The following PGD variants were observed in gnomAD, a reference collection of about 807,000 sequenced individuals.
PGD encodes the protein 6-phosphogluconate dehydrogenase, decarboxylating.
PGD carries 21 observed loss-of-function variants against 60.4 expected under a neutral mutation model. The ratio of observed to expected loss-of-function variants is 0.35; its 90% CI spans 0.25 to 0.50. The LOEUF is 0.50. PGD is among the 20% of genes least tolerant of loss of function. The pLI is 0.98. For missense variants in PGD, 477 were observed against 613.1 expected (o/e 0.78, Z 2.34); for synonymous variants, 230 against 235.9 (o/e 0.97, Z 0.23).
intron 1 of PGD, chr1:10,399,349 C>A: frequency 1.8e-6 from 1 of 564,644 alleles, no homozygotes; most frequent in East Asian, 3.4e-5. Flanking sequence ...CGGGGCGGGT[C>A]CCTTCGAGGG....
rs765560916 is a variant in PGD at position 10,403,172 on chromosome 1, G to A, written c.330+36G>A. ...TTCAGTCCAGATTCTTCCAGGTTCC[G>A]AGAACATTCTAGAAAAAAGTGTCAG... On this transcript the variant is annotated intron_variant, in intron 4 of 12. Coordinates refer to ENST00000270776, the MANE Select transcript of PGD (RefSeq NM_002631.4). 6.2e-6 allele frequency: 9 copies of A among 1,443,626 alleles called. No homozygotes were observed. The Middle Eastern group carries it at 5.2e-4, about 84-fold the overall frequency. 89.4% of individuals were successfully genotyped at this position (1,443,626 alleles called of 1,614,324 possible). A position where few individuals can be genotyped will look rare whatever the true frequency, so the allele number is the denominator to read the frequency against.
chr1:10,410,941 A>G (rs1639488862), intron 6 of PGD, among the ~76,000 whole-genome samples: 1 of 152,026 alleles, frequency 6.6e-6, no homozygotes, highest in East Asian at 1.9e-4. Flanking sequence ...GGGTCATTTT[A>G]CTTTTCAGTA....
chr1:10,399,564 ACC>A, intron 1 of PGD, 63 bp from the exon 2 acceptor site: 1 of 1,404,890 alleles, frequency 7.1e-7, no homozygotes, highest in Non-Finnish European at 1.0e-6. Flanking sequence ...GAAGGACCGG[ACC>A]CCTGGGTTGC....
chr1:10,420,256 T>A lies in PGD; in HGVS notation c.*507T>A, dbSNP rs1213230002. On this transcript the variant is annotated 3_prime_UTR_variant, in exon 13 of 13. Transcript: ENST00000270776. ...ACTAGAATAACACAAGAAACCACAT[T>A]TAGGATTATGCTTCACTCAGAGGAG... The A allele has an allele frequency of 6.4e-6, 1 of 157,422 alleles. No individual in the cohort carries two copies. Among genetic ancestry groups the A allele is most frequent in the African/African-American group, 2.4e-5 (1 of 41,384 alleles). 9.8% of individuals were successfully genotyped at this position (157,422 alleles called of 1,614,324 possible).
intron 7 of PGD, 32 bp from the exon 8 acceptor site, chr1:10,413,030 T>C: frequency 6.3e-7 from 1 of 1,592,974 alleles, no homozygotes; most frequent in Admixed American, 1.7e-5. Flanking sequence ...CTCATTCCTC[T>C]AACATGGTTC....
chr1:10,400,587 G>T lies in PGD; in HGVS notation c.264+15G>T. 6.3e-7 allele frequency: 1 copy of T among 1,591,678 alleles called. No homozygotes were observed. Among genetic ancestry groups the T allele is most frequent in the Non-Finnish European group, 8.6e-7 (1 of 1,167,754 alleles). The stretch of plus-strand genomic sequence containing the variant: ...TCGAGAAATTGGTGAGGCCAGCTGT[G>T]CTCTCAGCTGCTACCACGATAGCAG... On this transcript the variant is annotated intron_variant, in intron 3 of 12. Transcript: ENST00000270776.
chr1:10,417,905 T>C (rs1295978295), intron 10 of PGD, among the ~76,000 whole-genome samples: 1 of 152,132 alleles, frequency 6.6e-6, no homozygotes, highest in Non-Finnish European at 1.5e-5. Flanking sequence ...GGAAACAGGG[T>C]TTCACCATGT....
chr1:10,404,583 C>T (rs930178204), intron 5 of PGD, among the ~76,000 whole-genome samples: 1 of 151,916 alleles, frequency 6.6e-6, no homozygotes, highest in East Asian at 1.9e-4. Flanking sequence ...CACTGCACCC[C>T]CCGTCTCCTG....
intron 3 of PGD, among the ~76,000 whole-genome samples, chr1:10,402,803 G>A (rs1487277558): frequency 2.0e-5 from 3 of 151,968 alleles, no homozygotes; most frequent in African/African-American, 7.2e-5. Flanking sequence ...GATAACAGGC[G>A]TGAGCCACCG....
chr1:10,402,027 A>AAATT (rs201225440), intron 3 of PGD, among the ~76,000 whole-genome samples: 1 of 150,272 alleles, frequency 6.7e-6, no homozygotes, highest in Non-Finnish European at 1.5e-5. Context: ...ATAAATAAAT[A>AAATT]AATTAATTAA....
chr1:10,418,793 C>G, intron 10 of PGD, 33 bp from the exon 11 acceptor site: 4 of 988,088 alleles, frequency 4.0e-6, no homozygotes, highest in Non-Finnish European at 6.2e-6. Flanking sequence ...AAAAAAAAGA[C>G]TCATTGCTTT....
intron 11 of PGD, 45 bp downstream of exon 11, chr1:10,418,970 G>A (rs774194627): frequency 9.3e-7 from 1 of 1,074,182 alleles, no homozygotes; most frequent in South Asian, 1.3e-5. Context: ...ACCTCCCTGG[G>A]GCCATCAGTT....
intron 11 of PGD, 78 bp downstream of exon 11, chr1:10,419,003 T>TC: frequency 1.1e-6 from 1 of 874,996 alleles, no homozygotes; most frequent in Non-Finnish European, 1.9e-6. Context: ...TTTTTGTTTT[T>TC]TTTTTTTGGT....
At chr1:10,399,788 C>A in intron 2 of PGD, 84 bp downstream of exon 2, 1 of 1,167,216 alleles carries the variant, frequency 8.6e-7, no homozygotes, top group South Asian at 1.2e-5. Flanking sequence ...GCTTACGGGT[C>A]TCCTGGCCGT....
intron 5 of PGD, among the ~76,000 whole-genome samples, chr1:10,405,433 T>A (rs1014094931): frequency 1.0e-5 from 1 of 97,382 alleles, no homozygotes; most frequent in Non-Finnish European, 2.3e-5. Context: ...CACATATATA[T>A]AAATAATTGT....
chr1:10,414,465 C>G (rs1209566177), intron 8 of PGD, among the ~76,000 whole-genome samples: 1 of 151,972 alleles, frequency 6.6e-6, no homozygotes, highest in Non-Finnish European at 1.5e-5. Flanking sequence ...ACCTCCACCT[C>G]CCGGGTTCAA....
chr1:10,406,826 G>A (rs1256097854), intron 5 of PGD, among the ~76,000 whole-genome samples: 2 of 152,172 alleles, frequency 1.3e-5, no homozygotes, highest in Non-Finnish European at 2.9e-5. Context: ...ACGCTGCCTG[G>A]TTCTTAATCC....
chr1:10,401,128 C>T (rs761088191), intron 3 of PGD, among the ~76,000 whole-genome samples: 11 of 152,082 alleles, frequency 7.2e-5, no homozygotes, highest in Non-Finnish European at 1.2e-4. Context: ...TCACTTGAAC[C>T]TGGGAGGTGG....
intron 1 of PGD, 180 bp from the exon 2 acceptor site, chr1:10,399,448 TG>T: frequency 4.0e-6 from 2 of 494,740 alleles, no homozygotes; most frequent in South Asian, 4.2e-5. Flanking sequence ...AGGGCGGGGC[TG>T]GGGGCCGCCT....
Sources: allele counts gnomAD v4.1 joint callset (sites outside exome capture counted in the v4.1 genomes callset), GRCh38; gene constraint gnomAD v4.1.1; transcripts MANE v1.5; gene names NCBI Gene and HGNC (gene_info 2026-07-23, HGNC 2026-07-21).